DENND2C: variants seen among roughly 807,000 people sequenced by gnomAD.
DENND2C encodes the protein DENN domain containing 2C.
A neutral mutation model predicts 112.4 loss-of-function variants in DENND2C; 72 were observed. That is an observed-to-expected ratio of 0.64 (90% CI 0.53 to 0.78). The LOEUF (loss-of-function observed/expected upper bound fraction) is 0.78. DENND2C is among the 30% of genes least tolerant of loss of function. The probability of loss-of-function intolerance (pLI) is 0.00; values close to 1 mark genes in which losing one functional copy is unlikely to be tolerated. For missense variants in DENND2C, 992 were observed against 1,113.8 expected (o/e 0.89, Z 1.56); for synonymous variants, 329 against 381.6 (o/e 0.86, Z 1.61).
At chr1:114,646,287 T>G (rs6537839) in intron 2 of DENND2C, among the ~76,000 whole-genome samples, 133,112 of 152,140 alleles carry the variant, frequency 0.87, 58,734 homozygotes, top group African/African-American at 0.96. Flanking sequence ...ATGTTTAAGA[T>G]AATTTTTTGC....
intron 3 of DENND2C, among the ~76,000 whole-genome samples, chr1:114,642,916 G>C (rs1189809630): frequency 2.0e-5 from 3 of 152,288 alleles, no homozygotes; most frequent in Admixed American, 2.0e-4. Context: ...TTCCGTGAAA[G>C]CTTCCTTAGC....
intron 11 of DENND2C, 90 bp from the exon 12 acceptor site, chr1:114,602,284 A>C: frequency 7.6e-7 from 1 of 1,324,100 alleles, no homozygotes; most frequent in Non-Finnish European, 1.1e-6. Context: ...AGAGTCCAAC[A>C]GTAGTCATTT....
intron 15 of DENND2C, among the ~76,000 whole-genome samples, chr1:114,599,966 G>A (rs1308231115): frequency 6.6e-6 from 1 of 151,124 alleles, no homozygotes; most frequent in East Asian, 1.9e-4. Context: ...GGGGCCTGTC[G>A]TGGGGTGGGG....
At chr1:114,632,664 G>C (rs1463628000) in intron 3 of DENND2C, among the ~76,000 whole-genome samples, 1 of 152,168 alleles carries the variant, frequency 6.6e-6, no homozygotes. Context: ...TCAAAAGGCA[G>C]TAAAAGTGCC....
intron 18 of DENND2C, among the ~76,000 whole-genome samples, chr1:114,591,660 G>A (rs1227026271): frequency 6.6e-6 from 1 of 151,818 alleles, no homozygotes; most frequent in Non-Finnish European, 1.5e-5. Context: ...TATGGTCTCT[G>A]CTCTTTGTGC....
At chr1:114,602,308 G>A in intron 11 of DENND2C, 114 bp from the exon 12 acceptor site, 1 of 1,031,206 alleles carries the variant, frequency 9.7e-7, no homozygotes, top group Non-Finnish European at 1.4e-6. Context: ...GATCTAGTTA[G>A]GATCCAAACA....
chr1:114,590,704 G>A (rs1266104815), intron 18 of DENND2C, among the ~76,000 whole-genome samples: 1 of 151,462 alleles, frequency 6.6e-6, no homozygotes, highest in African/African-American at 2.4e-5. Context: ...TGTGAACCCC[G>A]GAGGGTGGAG....
Position 114,623,507 on chromosome 1 carries a change from A to T in DENND2C, c.943T>A (p.Tyr315Asn). 1 of 1,601,196 alleles carries T rather than the reference A, an allele frequency of 6.2e-7. No individual in the cohort carries two copies. The highest frequency in any genetic ancestry group is 8.5e-7 in the Non-Finnish European group (1 of 1,174,830). ...SEDNIYEDII[Y>N]PTKENPYEDI... is the part of the protein sequence containing the mutation. Reference sequence around the variant, plus strand: ...TAACTGCAAAGTTGTCAACACCTACATATGATATCTTCATAGATATTGTCC... The same window carrying T: ...TAACTGCAAAGTTGTCAACACCTACTTATGATATCTTCATAGATATTGTCC... Residue 315 changes from tyrosine to asparagine, a missense_variant and splice_region_variant, in exon 5 of 21, where the codon TAT (tyrosine) becomes AAT (asparagine). Physicochemically the swap from Tyr to Asn is moderately radical, Grantham distance 143. Around this residue, in one of 3 missense-constraint regions of DENND2C, gnomAD observed 470 missense variants for 472.7 expected, o/e 0.99. Coordinates refer to ENST00000393274, the MANE Select transcript of DENND2C (RefSeq NM_001256404.2).
At chr1:114,662,556 A>C (rs1035417261) in intron 1 of DENND2C, among the ~76,000 whole-genome samples, 1 of 152,244 alleles carries the variant, frequency 6.6e-6, no homozygotes, top group Non-Finnish European at 1.5e-5. Context: ...ACAACCTTCA[A>C]ATAATATAAA....
chr1:114,617,311 T>G (rs976968893), intron 8 of DENND2C, among the ~76,000 whole-genome samples: 1 of 136,258 alleles, frequency 7.3e-6, no homozygotes, highest in Non-Finnish European at 1.6e-5. Context: ...ATAAAACTTA[T>G]TATTTTTTTT....
In DENND2C at chr1:114,599,344, G is replaced by A. The variant is rs1655431533; in HGVS notation, c.2213C>T (p.Ser738Leu). ...GATTCCAATAAGGAATGGTGTAGGT[G>A]AGCACACGATGTCAATCATAGATGC... Reference protein sequence around the residue: ...LPASMIDIVCSPTPFLIGILS... With the variant: ...LPASMIDIVCLPTPFLIGILS... The change falls in exon 16 of 21, where the codon TCA becomes TTA. Residue 738 changes from serine (S) to leucine (L), a missense_variant. Physicochemically the swap from Ser to Leu is moderately radical, Grantham distance 145. Transcript: ENST00000393274. The A allele has an allele frequency of 1.2e-6, 2 of 1,614,002 alleles. No individual in the cohort carries two copies. The highest frequency in any genetic ancestry group is 2.2e-5 in the South Asian group (2 of 91,086).
intron 2 of DENND2C, among the ~76,000 whole-genome samples, chr1:114,653,079 T>A (rs1657214339): frequency 6.6e-6 from 1 of 152,124 alleles, no homozygotes; most frequent in Non-Finnish European, 1.5e-5. Flanking sequence ...ATATGATCAG[T>A]TGTACCAATA....
intron 2 of DENND2C, among the ~76,000 whole-genome samples, chr1:114,650,673 C>CAAA (rs58693255): frequency 5.8e-3 from 348 of 60,422 alleles, no homozygotes; most frequent in Admixed American, 6.6e-3. Context: ...GACTCCGTCT[C>CAAA]AAAAAAAAAA....
intron 15 of DENND2C, 78 bp downstream of exon 15, chr1:114,600,126 A>T (rs548732824): frequency 9.0e-5 from 118 of 1,317,046 alleles, no homozygotes; most frequent in African/African-American, 8.0e-4. Context: ...ATAGTAAAAT[A>T]AAAAAAAATG....
chr1:114,608,720 T>C lies in DENND2C; in HGVS notation c.1523A>G (p.Tyr508Cys), dbSNP rs1167775243. The C allele has an allele frequency of 1.9e-6, 3 of 1,614,042 alleles. No individual in the cohort carries two copies. The highest frequency in any genetic ancestry group is 2.2e-5 in the South Asian group (2 of 91,078). Residue 508 changes from tyrosine to cysteine, a missense_variant, in exon 10 of 21, where the codon TAT becomes TGT. Tyr to Cys is a radical substitution (Grantham distance 194). Coordinates refer to ENST00000393274, the MANE Select transcript of DENND2C (RefSeq NM_001256404.2). ...SLQKKPSGIS[Y>C]IPQVIQQFPG... is the part of the protein sequence containing the mutation. ...GAATTGTTGTATGACCTGGGGAATA[T>C]AGCTTATTCCTGATGGTTTCTTCTG...
rs562976762 is a variant in DENND2C, at chr1:114,661,122, A to G, written c.-573-6361T>C. Among the ~76,000 whole-genome samples, 952 of 151,798 alleles carry G rather than the reference A, an allele frequency of 6.3e-3. 8 individuals are homozygous for G. Among genetic ancestry groups the G allele is most frequent in the African/African-American group, 0.012 (499 of 41,450 alleles). On this transcript the variant is annotated intron_variant, in intron 1 of 20. Transcript: ENST00000393274. ...ACTCCGTCTCAAAAAAAAAAAAAAA[A>G]AAAAGAAAAGAAAATCCTCCTTATT...
intron 1 of DENND2C, among the ~76,000 whole-genome samples, chr1:114,656,965 G>A (rs543698516): frequency 6.6e-6 from 1 of 151,434 alleles, no homozygotes; most frequent in African/African-American, 2.4e-5. Flanking sequence ...TGGCCAGGCT[G>A]GTCTCGAACT....
chr1:114,592,073 T>C (rs1316760872), intron 18 of DENND2C, among the ~76,000 whole-genome samples: 2 of 151,778 alleles, frequency 1.3e-5, no homozygotes, highest in Non-Finnish European at 2.9e-5. Flanking sequence ...TTAGTAGAGA[T>C]GGGGTTTCAC....
At chr1:114,603,612 T>C (rs983838241) in intron 11 of DENND2C, among the ~76,000 whole-genome samples, 4 of 151,780 alleles carry the variant, frequency 2.6e-5, no homozygotes, top group African/African-American at 4.8e-5. Context: ...TGTGGCACAA[T>C]CATAGCTCAC....
Sources: gnomAD v4.1 joint callset for allele counts (sites outside exome capture counted in the v4.1 genomes callset) on GRCh38, gnomAD v4.1.1 for gene constraint, gnomAD v4.1.1 regional missense constraint, MANE v1.5 for transcripts, NCBI Gene and HGNC (gene_info 2026-07-23, HGNC 2026-07-21) for gene names.